The following CDH13 variants were observed in gnomAD, a reference collection of about 807,000 sequenced individuals.
CDH13 encodes cadherin 13, also known as cadherin-13.
A neutral mutation model predicts 63.8 loss-of-function variants in CDH13; 24 were observed. The ratio of observed to expected loss-of-function variants is 0.38; its 90% CI spans 0.27 to 0.53. CDH13 has a LOEUF of 0.53. Among genes scored for constraint, CDH13 ranks in the 20% least tolerant of loss-of-function variants. CDH13 has a pLI of 0.85. For missense variants in CDH13, 1,049 were observed against 903.1 expected (o/e 1.16, Z -2.07); for synonymous variants, 503 against 355.3 (o/e 1.42, Z -4.67).
intron 5 of CDH13, among the ~76,000 whole-genome samples, chr16:83,287,183 G>C (rs1031357701): frequency 1.3e-5 from 2 of 152,180 alleles, no homozygotes; most frequent in Non-Finnish European, 2.9e-5. Flanking sequence ...GCCCAGGATG[G>C]CTAGAATGAA....
intron 1 of CDH13, among the ~76,000 whole-genome samples, chr16:82,685,706 C>T (rs945257668): frequency 6.6e-6 from 1 of 152,142 alleles, no homozygotes; most frequent in African/African-American, 2.4e-5. Flanking sequence ...GGTGTTCAAC[C>T]CCGCCTGGCT....
At chr16:83,783,531 G>T in intron 13 of CDH13, 59 bp downstream of exon 13, 3 of 1,312,578 alleles carry the variant, frequency 2.3e-6, no homozygotes, top group East Asian at 2.3e-5. Context: ...CACTGGGTTC[G>T]TGAAGCCAGC....
chr16:82,754,206 A>C (rs2034528758), intron 1 of CDH13, among the ~76,000 whole-genome samples: 1 of 152,222 alleles, frequency 6.6e-6, no homozygotes, highest in African/African-American at 2.4e-5. Context: ...AGCACTGACA[A>C]GAACCTTTCA....
intron 3 of CDH13, among the ~76,000 whole-genome samples, chr16:83,033,592 C>T (rs997232493): frequency 6.6e-6 from 1 of 152,136 alleles, no homozygotes; most frequent in African/African-American, 2.4e-5. Flanking sequence ...TCGTGCTTCT[C>T]GTTTGCCAGG....
chr16:83,332,362 A>G (rs1273101192), intron 5 of CDH13, among the ~76,000 whole-genome samples: 1 of 152,152 alleles, frequency 6.6e-6, no homozygotes, highest in Non-Finnish European at 1.5e-5. Context: ...AATTCATTAG[A>G]CTATACTTTA....
chr16:83,565,668 G>T (rs1178828678), intron 7 of CDH13, among the ~76,000 whole-genome samples: 1 of 151,880 alleles, frequency 6.6e-6, no homozygotes, highest in Non-Finnish European at 1.5e-5. Flanking sequence ...GGACCTCTGG[G>T]CATTCTCCTT....
intron 5 of CDH13, among the ~76,000 whole-genome samples, chr16:83,338,867 G>A (rs2090660142): frequency 6.6e-6 from 1 of 152,200 alleles, no homozygotes; most frequent in Non-Finnish European, 1.5e-5. Context: ...GTGGGCTGTG[G>A]CCAGATTACA....
intron 5 of CDH13, among the ~76,000 whole-genome samples, chr16:83,244,467 A>G (rs1432642143): frequency 6.6e-6 from 1 of 152,110 alleles, no homozygotes; most frequent in Admixed American, 6.6e-5. Context: ...TCTGTCAGAA[A>G]CTGTGCTCGG....
At chr16:82,660,486 C>G (rs1323894930) in intron 1 of CDH13, among the ~76,000 whole-genome samples, 1 of 152,154 alleles carries the variant, frequency 6.6e-6, no homozygotes, top group East Asian at 1.9e-4. Context: ...GAACGTCAGT[C>G]AATCCACAAA....
chr16:83,620,998 T>A (rs968424109), intron 8 of CDH13, among the ~76,000 whole-genome samples: 14 of 152,162 alleles, frequency 9.2e-5, no homozygotes, highest in Non-Finnish European at 2.1e-4. Context: ...ACCTGCTTTG[T>A]ACGCAGCAGG....
At position 83,762,944 on chromosome 16, in the gene CDH13, A is replaced by T. The variant is rs950662604; in HGVS notation, c.1681+14694A>T. On this transcript the variant is annotated intron_variant, in intron 11 of 13. Transcript: ENST00000567109. ...AAGTTTAAAGAAAGACGAAAACAAA[A>T]GGTGTCCCTGTTAGTTCCCCCTAAG... 3.3e-5 allele frequency among the ~76,000 whole-genome samples: 5 copies of T among 152,338 alleles called. No individual in the cohort carries two copies. In the South Asian group the frequency reaches 1.0e-3, roughly 32 times the overall value.
chr16:82,884,259 C>G, intron 2 of CDH13: 1 of 453,596 alleles, frequency 2.2e-6, no homozygotes, highest in Non-Finnish European at 4.4e-6. Context: ...AGAAGGAAAT[C>G]TGCAGGTATA....
intron 1 of CDH13, among the ~76,000 whole-genome samples, chr16:82,769,996 C>G (rs1471287232): frequency 6.6e-6 from 1 of 152,214 alleles, no homozygotes; most frequent in African/African-American, 2.4e-5. Context: ...CTAGATTTCC[C>G]TGTTCTTGAA....
At chr16:83,582,488 A>G (rs1469099336) in intron 7 of CDH13, among the ~76,000 whole-genome samples, 3 of 152,140 alleles carry the variant, frequency 2.0e-5, no homozygotes, top group Non-Finnish European at 4.4e-5. Context: ...TCTAGTAGAA[A>G]AAAAAGTAAA....
At chr16:83,413,455 A>C (rs2092156310) in intron 6 of CDH13, among the ~76,000 whole-genome samples, 1 of 152,206 alleles carries the variant, frequency 6.6e-6, no homozygotes, top group South Asian at 2.1e-4. Context: ...CCAGGCAACT[A>C]ATCATCCCTT....
At chr16:83,444,342 C>T (rs958181921) in intron 6 of CDH13, among the ~76,000 whole-genome samples, 1 of 152,114 alleles carries the variant, frequency 6.6e-6, no homozygotes, top group Non-Finnish European at 1.5e-5. Flanking sequence ...ATCTTCAGCA[C>T]CATCACATGA....
chr16:83,236,818 G>A (rs946338980), intron 5 of CDH13, among the ~76,000 whole-genome samples: 40 of 152,136 alleles, frequency 2.6e-4, no homozygotes, highest in African/African-American at 8.9e-4. Flanking sequence ...TGGCAGGGGT[G>A]GGAAGGAGGG....
Position 83,659,311 on chromosome 16 carries a change from C to G in CDH13, c.1102-11479C>G, listed in dbSNP as rs533380382. On this transcript the variant is annotated intron_variant, in intron 8 of 13. Coordinates refer to ENST00000567109, the MANE Select transcript of CDH13 (RefSeq NM_001257.5). ...CTCACCACCAGGTCCCGTATCCTCA[C>G]CAGCAAGGTCTCATGTCCTCACCAC... Among the ~76,000 whole-genome samples the G allele has an allele frequency of 1.0e-4, 15 of 148,864 alleles. No individual in the cohort carries two copies. The South Asian group carries it at 2.4e-3, about 24-fold the overall frequency.
At chr16:82,719,801 A>T (rs1260046863) in intron 1 of CDH13, among the ~76,000 whole-genome samples, 1 of 143,772 alleles carries the variant, frequency 7.0e-6, no homozygotes, top group Admixed American at 7.4e-5. Flanking sequence ...AGCCAAGATC[A>T]CGCCACTGCA....
Sources: gnomAD v4.1 joint callset for allele counts (sites outside exome capture counted in the v4.1 genomes callset) on GRCh38, gnomAD v4.1.1 for gene constraint, MANE v1.5 for transcripts, NCBI Gene and HGNC (gene_info 2026-07-23, HGNC 2026-07-21) for gene names.